The following CORIN variants were observed in gnomAD, a reference collection of about 807,000 sequenced individuals.
CORIN encodes the protein atrial natriuretic peptide-converting enzyme.
A neutral mutation model predicts 125.3 loss-of-function variants in CORIN; 117 were observed. The observed-to-expected ratio is 0.93, with a 90% CI of 0.80 to 1.09. The LOEUF (loss-of-function observed/expected upper bound fraction) is 1.09, where lower values mean the gene tolerates loss of function less well. CORIN is among the 50% of genes least tolerant of loss of function. CORIN has a pLI of 0.00. For synonymous variants in CORIN, 450 were observed against 466.4 expected (o/e 0.96, Z 0.45); for missense variants, 1,253 against 1,306.7 (o/e 0.96, Z 0.63).
chr4:47,670,949 G>A (rs1724731409), intron 10 of CORIN, among the ~76,000 whole-genome samples: 1 of 152,188 alleles, frequency 6.6e-6, no homozygotes, highest in Non-Finnish European at 1.5e-5. Flanking sequence ...CATAAGAAAT[G>A]TGGTTTTTAG....
At chr4:47,758,745 G>A (rs573655035) in intron 4 of CORIN, among the ~76,000 whole-genome samples, 5 of 152,320 alleles carry the variant, frequency 3.3e-5, no homozygotes, top group South Asian at 2.1e-4. Flanking sequence ...GAGTTCTCAT[G>A]AGATCTGATG....
chr4:47,812,070 G>T (rs1319410135), intron 1 of CORIN, among the ~76,000 whole-genome samples: 1 of 152,026 alleles, frequency 6.6e-6, no homozygotes, highest in East Asian at 1.9e-4. Flanking sequence ...CTTCATCAGG[G>T]CTTTTAATGA....
At chr4:47,628,536 TAGTCACC>T (rs1230640464) in intron 16 of CORIN, among the ~76,000 whole-genome samples, 1 of 152,016 alleles carries the variant, frequency 6.6e-6, no homozygotes, top group Non-Finnish European at 1.5e-5. Flanking sequence ...TCGTTAACTA[TAGTCACC>T]ATGTTGTACA....
At chr4:47,716,242 C>G (rs988468709) in intron 5 of CORIN, among the ~76,000 whole-genome samples, 1 of 152,176 alleles carries the variant, frequency 6.6e-6, no homozygotes, top group Non-Finnish European at 1.5e-5. Flanking sequence ...ATGACACATT[C>G]AGAGTATTCA....
At chr4:47,749,868 C>T (rs1728823580) in intron 4 of CORIN, among the ~76,000 whole-genome samples, 1 of 152,186 alleles carries the variant, frequency 6.6e-6, no homozygotes, top group East Asian at 1.9e-4. Flanking sequence ...AGCTGCAGAA[C>T]TTACTTAGTC....
intron 16 of CORIN, among the ~76,000 whole-genome samples, chr4:47,628,577 T>A (rs1722680951): frequency 6.6e-6 from 1 of 152,102 alleles, no homozygotes; most frequent in Admixed American, 6.6e-5. Context: ...ACTTATTCAT[T>A]CCACATTACC....
At chr4:47,740,026 T>C (rs1728315697) in intron 5 of CORIN, among the ~76,000 whole-genome samples, 1 of 151,750 alleles carries the variant, frequency 6.6e-6, no homozygotes, top group Admixed American at 6.6e-5. Flanking sequence ...AATACAAAAG[T>C]CATAGAGAAA....
intron 5 of CORIN, among the ~76,000 whole-genome samples, chr4:47,737,173 G>A (rs2109825608): frequency 6.6e-6 from 1 of 152,362 alleles, no homozygotes; most frequent in African/African-American, 2.4e-5. Context: ...AGAAAAACCA[G>A]AGGTAGACGG....
At chr4:47,728,471 T>C (rs1336930948) in intron 5 of CORIN, among the ~76,000 whole-genome samples, 1 of 152,198 alleles carries the variant, frequency 6.6e-6, no homozygotes, top group Non-Finnish European at 1.5e-5. Flanking sequence ...CTATCAGCTA[T>C]GATTAAATTG....
rs1721210492 is a variant in CORIN, at chr4:47,595,340, A to G, written c.*381T>C. On this transcript the variant is annotated 3_prime_UTR_variant, in exon 22 of 22. Transcript: ENST00000273857. ...AAACAAAAACTGGTAGAGATAATTA[A>G]TCAGCCTAAATATCTATGTCTTTTT... is the stretch of plus-strand genomic sequence containing the variant. 1 of 155,022 alleles carries G rather than the reference A, an allele frequency of 6.5e-6. No homozygotes were observed. Among genetic ancestry groups the G allele is most frequent in the African/African-American group, 2.4e-5 (1 of 41,562 alleles). The allele number at this position is 155,022 out of a possible 1,614,324, so 9.6% of individuals were successfully genotyped here.
At chr4:47,710,427 G>T (rs1726782895) in intron 5 of CORIN, among the ~76,000 whole-genome samples, 1 of 152,192 alleles carries the variant, frequency 6.6e-6, no homozygotes. Flanking sequence ...TCATGTGTAT[G>T]ACTTTATTTT....
At chr4:47,691,260 A>G (rs1250681346) in intron 6 of CORIN, among the ~76,000 whole-genome samples, 1 of 152,208 alleles carries the variant, frequency 6.6e-6, no homozygotes, top group Admixed American at 6.5e-5. Flanking sequence ...TTGGGCCACA[A>G]TGGGAGAATA....
chr4:47,623,758 A>G lies in CORIN; in HGVS notation c.2366-13T>C. 1.2e-6 allele frequency: 2 copies of G among 1,613,712 alleles called. No homozygotes were observed. The highest frequency in any genetic ancestry group is 8.5e-7 in the Non-Finnish European group (1 of 1,179,926). Reference sequence around the variant, plus strand: ...CGGCGCCCACAGTCTACCAAGGAGCAGAAGACACAGTTTGTGAGTTGATGC... The same window carrying G: ...CGGCGCCCACAGTCTACCAAGGAGCGGAAGACACAGTTTGTGAGTTGATGC... On this transcript the variant is annotated splice_polypyrimidine_tract_variant and intron_variant, in intron 18 of 21. Coordinates refer to ENST00000273857, the MANE Select transcript of CORIN (RefSeq NM_006587.4).
At position 47,785,321 on chromosome 4, in the gene CORIN, C is replaced by T. The variant is rs115778303; in HGVS notation, c.409+1404G>A. 1.2e-3 allele frequency among the ~76,000 whole-genome samples: 183 copies of T among 152,280 alleles called. 1 individual carries two copies. Among genetic ancestry groups the T allele is most frequent in the African/African-American group, 3.7e-3 (152 of 41,558 alleles). Reference sequence around the variant, plus strand: ...CACTCCCACCGAGTATTCTGTATTCCGGAAGGGCAGTAACTTTATCAAAAG... The same window carrying T: ...CACTCCCACCGAGTATTCTGTATTCTGGAAGGGCAGTAACTTTATCAAAAG... On this transcript the variant is annotated intron_variant, in intron 3 of 21. Transcript: ENST00000273857.
At chr4:47,722,152 TTC>T (rs1727373432) in intron 5 of CORIN, among the ~76,000 whole-genome samples, 1 of 152,238 alleles carries the variant, frequency 6.6e-6, no homozygotes, top group Non-Finnish European at 1.5e-5. Context: ...TTTGCCTGTT[TTC>T]ACACATAAGT....
intron 12 of CORIN, among the ~76,000 whole-genome samples, chr4:47,656,179 G>A (rs1378092107): frequency 6.8e-6 from 1 of 146,720 alleles, no homozygotes; most frequent in African/African-American, 2.5e-5. Context: ...TTTTGAGATG[G>A]AGTTTCTCCC....
At chr4:47,634,408 T>C (rs1722948133) in intron 16 of CORIN, among the ~76,000 whole-genome samples, 1 of 152,080 alleles carries the variant, frequency 6.6e-6, no homozygotes, top group African/African-American at 2.4e-5. Context: ...CCAAAGCAGG[T>C]GGATCACGTG....
At position 47,716,324 on chromosome 4, in the gene CORIN, G is replaced by T. The variant is rs191731111; in HGVS notation, c.800-23241C>A. Among the ~76,000 whole-genome samples, 632 of 152,160 alleles carry T rather than the reference G, an allele frequency of 4.2e-3. 8 individuals carry two copies. The highest frequency in any genetic ancestry group is 0.014 in the African/African-American group (591 of 41,506). On this transcript the variant is annotated intron_variant, in intron 5 of 21. Transcript: ENST00000273857. ...TGGGCTTTCACACACCTCAGCTTTGGTTTCACTGAATGATTTTTGGAAGAA... is the reference window on the plus strand; with the variant it reads ...TGGGCTTTCACACACCTCAGCTTTGTTTTCACTGAATGATTTTTGGAAGAA...
chr4:47,829,157 C>CA (rs35771383), intron 1 of CORIN, among the ~76,000 whole-genome samples: 982 of 64,280 alleles, frequency 0.015, 101 homozygotes, highest in Middle Eastern at 0.052. Flanking sequence ...GACTCCGTCT[C>CA]AAAAAAAAAA....
Sources: allele counts gnomAD v4.1 joint callset (sites outside exome capture counted in the v4.1 genomes callset), GRCh38; gene constraint gnomAD v4.1.1; transcripts MANE v1.5; gene names NCBI Gene and HGNC (gene_info 2026-07-23, HGNC 2026-07-21).